The following EPB41L2 variants were observed in gnomAD, a reference collection of about 807,000 sequenced individuals.
EPB41L2 encodes erythrocyte membrane protein band 4.1 like 2.
In EPB41L2, 43 loss-of-function variants were observed where a neutral mutation model predicts 113.0. The observed-to-expected ratio is 0.38, with a 90% CI of 0.30 to 0.49. The LOEUF (loss-of-function observed/expected upper bound fraction) is 0.49, where lower values mean the gene tolerates loss of function less well. Ranked by LOEUF, EPB41L2 falls within the 20% of genes least tolerant of loss-of-function variation. The pLI is 0.95. For missense variants in EPB41L2, 1,147 were observed against 1,223.4 expected, an observed-to-expected ratio of 0.94 and a Z score of 0.93; for synonymous variants, 442 against 436.7, an observed-to-expected ratio of 1.01 and a Z score of -0.15.
At position 130,956,140 on chromosome 6, in the gene EPB41L2, C is replaced by T. The variant is rs1331050549; in HGVS notation, c.346G>A (p.Glu116Lys). ...TGTCTCTGTTCTTCTGGAAGGGGTT[C>T]CTCTTTATCTAAGACCTGTTCTTCA... ...VVEEQVLDKE[E>K]PLPEEQRQAK... is the part of the protein sequence containing the mutation. The change falls in exon 2 of 20, where the codon GAA (glutamate) becomes AAA (lysine). Residue 116 changes from glutamate (E) to lysine (K), a missense_variant. Coordinates refer to ENST00000337057, the MANE Select transcript of EPB41L2 (RefSeq NM_001431.4). The T allele has an allele frequency of 6.2e-7, 1 of 1,614,098 alleles. No individual in the cohort carries two copies. Among genetic ancestry groups the T allele is most frequent in the South Asian group, 1.1e-5 (1 of 91,068 alleles).
At chr6:130,928,710 G>A (rs2128556634) in intron 3 of EPB41L2, among the ~76,000 whole-genome samples, 1 of 152,370 alleles carries the variant, frequency 6.6e-6, no homozygotes, top group East Asian at 1.9e-4. Context: ...GGCAGTACAT[G>A]AGGTATCAGC....
At chr6:131,020,022 G>C (rs1164445576) in intron 1 of EPB41L2, among the ~76,000 whole-genome samples, 1 of 151,746 alleles carries the variant, frequency 6.6e-6, no homozygotes, top group Non-Finnish European at 1.5e-5. Flanking sequence ...AATTTCCAAG[G>C]TTTTCTGTTT....
At chr6:130,866,974 TTGTGTGTGTG>T (rs138332627) in intron 16 of EPB41L2, among the ~76,000 whole-genome samples, 2 of 149,956 alleles carry the variant, frequency 1.3e-5, no homozygotes, top group Non-Finnish European at 3.0e-5. Flanking sequence ...CTGTGTGTGT[TTGTGTGTGTG>T]TGTGTGTGTA....
chr6:130,907,089 T>A lies in EPB41L2; in HGVS notation c.853+1732A>T, dbSNP rs183635315. ...TGAAGAGAGTGGCACAAAAAAAAAA[T>A]AATAATAATAATCAAACAAGAACCC... On this transcript the variant is annotated intron_variant, in intron 5 of 19. Coordinates refer to ENST00000337057, the MANE Select transcript of EPB41L2 (RefSeq NM_001431.4). Among the ~76,000 whole-genome samples, 943 of 150,576 alleles carry A rather than the reference T, an allele frequency of 6.3e-3. 8 individuals are homozygous for A. The highest frequency in any genetic ancestry group is 0.022 in the African/African-American group (879 of 40,622).
At chr6:130,889,130 T>C (rs957060538) in intron 11 of EPB41L2, among the ~76,000 whole-genome samples, 4 of 151,988 alleles carry the variant, frequency 2.6e-5, no homozygotes, top group Non-Finnish European at 4.4e-5. Context: ...TTTCTGCTAA[T>C]AACTAGTAGT....
chr6:130,855,445 A>G (rs1437508098), intron 19 of EPB41L2, among the ~76,000 whole-genome samples: 2 of 152,192 alleles, frequency 1.3e-5, no homozygotes, highest in African/African-American at 4.8e-5. Context: ...TACTCAGGCC[A>G]CTGGATGTTT....
chr6:130,886,671 T>TG (rs1186942489), intron 11 of EPB41L2, among the ~76,000 whole-genome samples: 2 of 152,190 alleles, frequency 1.3e-5, no homozygotes, highest in African/African-American at 4.8e-5. Context: ...TCTCGCTCTG[T>TG]CACCCAGGCT....
intron 1 of EPB41L2, among the ~76,000 whole-genome samples, chr6:131,004,924 C>G (rs993506744): frequency 2.6e-5 from 4 of 152,180 alleles, no homozygotes; most frequent in Admixed American, 2.6e-4. Flanking sequence ...CTTCCAAATT[C>G]AGTCAAGAAA....
At chr6:130,900,493 C>A (rs180840228) in intron 7 of EPB41L2, among the ~76,000 whole-genome samples, 1 of 152,180 alleles carries the variant, frequency 6.6e-6, no homozygotes, top group Non-Finnish European at 1.5e-5. Context: ...CATCTTCCAA[C>A]GGAATCACCT....
intron 3 of EPB41L2, among the ~76,000 whole-genome samples, chr6:130,948,902 T>C (rs1813861647): frequency 6.6e-6 from 1 of 152,184 alleles, no homozygotes; most frequent in African/African-American, 2.4e-5. Context: ...CTTACAGGAA[T>C]ACCAAGAGAA....
chr6:131,023,729 G>GTGTGTA (rs1387546983), intron 1 of EPB41L2, among the ~76,000 whole-genome samples: 9 of 119,356 alleles, frequency 7.5e-5, no homozygotes, highest in Non-Finnish European at 1.3e-4. Flanking sequence ...GTGTGTGTGT[G>GTGTGTA]TATATATATC....
At chr6:130,863,024 C>T (rs1782642778) in intron 18 of EPB41L2, among the ~76,000 whole-genome samples, 1 of 152,186 alleles carries the variant, frequency 6.6e-6, no homozygotes, top group Non-Finnish European at 1.5e-5. Flanking sequence ...AAACTGCTCT[C>T]AAAGTCTCCA....
At chr6:131,061,401 T>C (rs1208737462) in intron 1 of EPB41L2, among the ~76,000 whole-genome samples, 3 of 152,214 alleles carry the variant, frequency 2.0e-5, no homozygotes, top group Admixed American at 2.0e-4. Flanking sequence ...TGGTGGTTCT[T>C]AAATTGAATT....
At chr6:130,872,590 A>T in intron 14 of EPB41L2, 1 of 1,206,364 alleles carries the variant, frequency 8.3e-7, no homozygotes. Context: ...GTCAGAACAG[A>T]CAGCAGTGAC....
chr6:130,900,276 AC>A lies in EPB41L2; in HGVS notation c.1148+685del, dbSNP rs77797083. ...ATCAATGAATGTGGCCTGTTTAAAA[AC>A]CTAATTTTTGAAAGTTCCTTTCAGA... On this transcript the variant is annotated intron_variant, in intron 7 of 19. Coordinates refer to ENST00000337057, the MANE Select transcript of EPB41L2 (RefSeq NM_001431.4). Among the ~76,000 whole-genome samples the A allele has an allele frequency of 0.011, 1,724 of 152,286 alleles. 183 individuals carry two copies. The East Asian group carries it at 0.26, about 23-fold the overall frequency.
chr6:130,998,431 C>T (rs865869041), intron 1 of EPB41L2, among the ~76,000 whole-genome samples: 10 of 152,034 alleles, frequency 6.6e-5, no homozygotes, highest in South Asian at 2.1e-4. Context: ...ACTTGCAAAA[C>T]ACTGTTAAAA....
At chr6:130,964,274 A>G (rs150050493) in intron 1 of EPB41L2, among the ~76,000 whole-genome samples, 2,258 of 152,064 alleles carry the variant, frequency 0.015, 64 homozygotes, top group African/African-American at 0.052. Flanking sequence ...CACCCGCCTC[A>G]GTCTCCCAAA....
chr6:131,028,965 T>A (rs1791468423), intron 1 of EPB41L2, among the ~76,000 whole-genome samples: 1 of 152,158 alleles, frequency 6.6e-6, no homozygotes, highest in Non-Finnish European at 1.5e-5. Context: ...TTACTAAGGG[T>A]ACACCAAAAT....
chr6:131,027,748 C>T (rs544910820), intron 1 of EPB41L2, among the ~76,000 whole-genome samples: 2 of 152,236 alleles, frequency 1.3e-5, no homozygotes, highest in Admixed American at 1.3e-4. Flanking sequence ...CCTATAAAAA[C>T]ATCTCATGTA....
Sources: allele counts gnomAD v4.1 joint callset (sites outside exome capture counted in the v4.1 genomes callset), GRCh38; gene constraint gnomAD v4.1.1; transcripts MANE v1.5; gene names NCBI Gene and HGNC (gene_info 2026-07-23, HGNC 2026-07-21).